ARAP2: variants seen among roughly 807,000 people sequenced by gnomAD.
ARAP2 encodes the protein ArfGAP with RhoGAP domain, ankyrin repeat and PH domain 2.
ARAP2 carries 148 observed loss-of-function variants against 194.5 expected under a neutral mutation model. The ratio of observed to expected loss-of-function variants is 0.76; its 90% CI spans 0.67 to 0.87. The LOEUF (loss-of-function observed/expected upper bound fraction) is 0.87. Ranked by LOEUF, ARAP2 falls within the 40% of genes least tolerant of loss-of-function variation. The probability of loss-of-function intolerance (pLI) is 0.00; values close to 1 mark genes in which losing one functional copy is unlikely to be tolerated. For synonymous variants in ARAP2, 695 were observed against 683.5 expected (o/e 1.02, Z -0.26); for missense variants, 2,128 against 1,989.7 (o/e 1.07, Z -1.32).
intron 27 of ARAP2, among the ~76,000 whole-genome samples, chr4:36,100,212 T>G (rs1353147366): frequency 2.0e-5 from 3 of 152,064 alleles, no homozygotes; most frequent in African/African-American, 7.2e-5. Flanking sequence ...TAAAATAATG[T>G]AAGTAAAGCA....
intron 8 of ARAP2, among the ~76,000 whole-genome samples, chr4:36,181,372 T>C (rs1331240999): frequency 6.6e-6 from 1 of 152,062 alleles, no homozygotes; most frequent in Non-Finnish European, 1.5e-5. Context: ...TTCTTGATGT[T>C]TTCAGGAATG....
chr4:36,104,646 C>T (rs1039895), intron 27 of ARAP2, among the ~76,000 whole-genome samples: 25,768 of 151,842 alleles, frequency 0.17, 4,505 homozygotes, highest in African/African-American at 0.45. Flanking sequence ...ATTACAGATT[C>T]CTTAAAAGGG....
chr4:36,191,132 T>C (rs527981627), intron 7 of ARAP2, among the ~76,000 whole-genome samples: 6 of 151,696 alleles, frequency 4.0e-5, no homozygotes, highest in African/African-American at 1.2e-4. Flanking sequence ...TTACAGTTTA[T>C]CCCCTACGTG....
chr4:36,242,799 C>A lies in ARAP2; in HGVS notation c.-160+1380G>T, dbSNP rs540526482. 3.9e-5 allele frequency among the ~76,000 whole-genome samples: 6 copies of A among 152,272 alleles called. No homozygotes were observed. In the South Asian group the frequency reaches 1.0e-3, roughly 26 times the overall value. ...GAAAAAATACAAACACAAGCACACACCCATATAAATACGTTTTAACAAGCT... is the reference window on the plus strand; with the variant it reads ...GAAAAAATACAAACACAAGCACACAACCATATAAATACGTTTTAACAAGCT... On this transcript the variant is annotated intron_variant, in intron 1 of 32. Coordinates refer to ENST00000303965, the MANE Select transcript of ARAP2 (RefSeq NM_015230.4).
intron 5 of ARAP2, among the ~76,000 whole-genome samples, chr4:36,026,874 G>C (rs6856512): frequency 0.74 from 112,403 of 152,240 alleles, 42,411 homozygotes; most frequent in Admixed American, 0.85. Flanking sequence ...TGCGCCAGCA[G>C]GGCAAGCAAC....
intron 32 of ARAP2, among the ~76,000 whole-genome samples, chr4:36,068,719 C>T (rs1560357601): frequency 1.3e-5 from 2 of 152,162 alleles, no homozygotes; most frequent in East Asian, 3.9e-4. Context: ...TTCTGCCCCG[C>T]TGTAGGCTAA....
chr4:36,140,169 C>CAG (rs1171640705), intron 19 of ARAP2, among the ~76,000 whole-genome samples: 1 of 151,036 alleles, frequency 6.6e-6, no homozygotes, highest in Non-Finnish European at 1.5e-5. Context: ...CACACACACA[C>CAG]ACACACATCT....
rs184572270 is a variant in ARAP2, at chr4:36,124,963, C to A, written c.3645G>T (p.Thr1215=). 8.1e-6 allele frequency: 13 copies of A among 1,598,258 alleles called. No individual in the cohort carries two copies. Among genetic ancestry groups the A allele is most frequent in the Non-Finnish European group, 1.0e-5 (12 of 1,168,728 alleles). The part of the protein sequence containing the change: ...LYPYWISALD[T]QDDKERIKKY... ...TTTTAATTCTTTCCTTGTCATCTTGCGTATCTGAAGGGGAAAAAAAAACAA... is the reference window on the plus strand; with the variant it reads ...TTTTAATTCTTTCCTTGTCATCTTGAGTATCTGAAGGGGAAAAAAAAACAA... The change falls in exon 22 of 33, where the codon ACG becomes ACT. Residue 1215 remains threonine (T), a synonymous_variant. Coordinates refer to ENST00000303965, the MANE Select transcript of ARAP2 (RefSeq NM_015230.4).
chr4:36,138,767 T>C (rs900470751), intron 19 of ARAP2, among the ~76,000 whole-genome samples: 1 of 151,680 alleles, frequency 6.6e-6, no homozygotes, highest in Non-Finnish European at 1.5e-5. Flanking sequence ...GTAAACCAAC[T>C]GTATTATTTT....
At chr4:36,141,449 T>C (rs757030544) in intron 19 of ARAP2, among the ~76,000 whole-genome samples, 1 of 151,682 alleles carries the variant, frequency 6.6e-6, no homozygotes, top group Admixed American at 6.6e-5. Flanking sequence ...AAAAATGCTG[T>C]GTGTGTGGAA....
chr4:36,079,173 C>CAAAAAA (rs34229260), intron 31 of ARAP2, among the ~76,000 whole-genome samples: 1 of 77,612 alleles, frequency 1.3e-5, no homozygotes, highest in Non-Finnish European at 2.3e-5. Flanking sequence ...GACTCTGTCT[C>CAAAAAA]AAAAAAAAAA....
At chr4:36,107,795 G>A in intron 26 of ARAP2, 102 bp from the exon 27 acceptor site, 2 of 1,109,212 alleles carry the variant, frequency 1.8e-6, no homozygotes, top group Non-Finnish European at 2.5e-6. Flanking sequence ...AACATCTGTA[G>A]GCAACATTAT....
chr4:36,098,112 T>C (rs566341902), intron 27 of ARAP2, among the ~76,000 whole-genome samples: 73 of 152,086 alleles, frequency 4.8e-4, no homozygotes, highest in African/African-American at 1.6e-3. Flanking sequence ...AGTACAAAAA[T>C]AGTTATCTCC....
At chr4:36,021,505 G>A (rs1716941078) in intron 5 of ARAP2, among the ~76,000 whole-genome samples, 1 of 152,094 alleles carries the variant, frequency 6.6e-6, no homozygotes, top group African/African-American at 2.4e-5. Flanking sequence ...TGAAAATTGT[G>A]TGGCACCTCT....
chr4:36,114,128 A>G (rs778656561), intron 26 of ARAP2, 42 bp downstream of exon 26: 1 of 1,294,878 alleles, frequency 7.7e-7, no homozygotes, highest in Non-Finnish European at 1.1e-6. Context: ...TACTTTTTAC[A>G]GTATAAGTAA....
chr4:36,233,827 A>G (rs1751959115), intron 1 of ARAP2, among the ~76,000 whole-genome samples: 1 of 152,204 alleles, frequency 6.6e-6, no homozygotes, highest in Non-Finnish European at 1.5e-5. Context: ...CCCACAGTTA[A>G]ATTTTCTGTT....
intron 31 of ARAP2, among the ~76,000 whole-genome samples, chr4:36,074,666 A>G (rs980384802): frequency 2.0e-5 from 3 of 152,140 alleles, no homozygotes; most frequent in Non-Finnish European, 4.4e-5. Context: ...TGAAAAGTTT[A>G]CAGATATTGT....
intron 27 of ARAP2, among the ~76,000 whole-genome samples, chr4:36,105,685 T>C (rs1283585269): frequency 6.6e-6 from 1 of 151,988 alleles, no homozygotes; most frequent in Non-Finnish European, 1.5e-5. Flanking sequence ...AATCTACACC[T>C]TGTTGGGTTG....
At chr4:36,019,479 TACTC>T (rs1181286431) in intron 5 of ARAP2, among the ~76,000 whole-genome samples, 1 of 149,302 alleles carries the variant, frequency 6.7e-6, no homozygotes, top group African/African-American at 2.6e-5. Context: ...GGAATTGTGA[TACTC>T]GCGATGATGG....
Sources: gnomAD v4.1 joint callset for allele counts (sites outside exome capture counted in the v4.1 genomes callset) on GRCh38, gnomAD v4.1.1 for gene constraint, MANE v1.5 for transcripts, NCBI Gene and HGNC (gene_info 2026-07-23, HGNC 2026-07-21) for gene names.